The following PLCE1 variants were observed in gnomAD, a reference collection of about 807,000 sequenced individuals.
PLCE1 encodes phospholipase C epsilon 1.
In PLCE1, 119 loss-of-function variants were observed where a neutral mutation model predicts 242.8. The ratio of observed to expected loss-of-function variants is 0.49; its 90% CI spans 0.42 to 0.57. The LOEUF (loss-of-function observed/expected upper bound fraction) is 0.57. Among genes scored for constraint, PLCE1 ranks in the 20% least tolerant of loss-of-function variants. The pLI, the probability that PLCE1 is intolerant of heterozygous loss-of-function variation, is 0.00. For missense variants in PLCE1, 2,441 were observed against 2,788.8 expected (o/e 0.88, Z 2.81); for synonymous variants, 945 against 1,017.4 (o/e 0.93, Z 1.35).
chr10:94,230,632 A>G (rs1404881234), intron 5 of PLCE1, among the ~76,000 whole-genome samples: 3 of 150,842 alleles, frequency 2.0e-5, no homozygotes, highest in African/African-American at 7.3e-5. Context: ...TTTTTAAGAG[A>G]TAAGATCTCA....
chr10:94,137,903 C>A, intron 3 of PLCE1: 1 of 339,328 alleles, frequency 2.9e-6, no homozygotes, highest in South Asian at 3.2e-5. Flanking sequence ...CTATTGCCCT[C>A]ACAAAGCCAG....
At chr10:94,233,599 C>T (rs554966217) in intron 5 of PLCE1, among the ~76,000 whole-genome samples, 126 of 152,214 alleles carry the variant, frequency 8.3e-4, no homozygotes, top group Admixed American at 1.8e-3. Flanking sequence ...AAGTATTATT[C>T]ATATTATCTG....
At chr10:94,153,358 A>G (rs1330252800) in intron 3 of PLCE1, among the ~76,000 whole-genome samples, 2 of 152,214 alleles carry the variant, frequency 1.3e-5, no homozygotes, top group African/African-American at 4.8e-5. Flanking sequence ...AGGATTTCAC[A>G]AAATCCAACA....
intron 4 of PLCE1, among the ~76,000 whole-genome samples, chr10:94,203,745 T>C (rs970896171): frequency 6.6e-6 from 1 of 152,176 alleles, no homozygotes; most frequent in Non-Finnish European, 1.5e-5. Flanking sequence ...CCTTGTGCAT[T>C]GATGATGATG....
At chr10:94,219,530 G>T (rs1455417986) in intron 4 of PLCE1, among the ~76,000 whole-genome samples, 1 of 152,090 alleles carries the variant, frequency 6.6e-6, no homozygotes, top group Non-Finnish European at 1.5e-5. Context: ...TTCAGTAAAA[G>T]ACTCAAGAAG....
rs534006604 is a variant in PLCE1 at position 94,035,279 on chromosome 10, G to A, written c.1206+3027G>A. Among the ~76,000 whole-genome samples, 112 of 152,306 alleles carry A rather than the reference G, an allele frequency of 7.4e-4. 1 individual carries two copies. The South Asian group carries it at 9.1e-3, about 12-fold the overall frequency. On this transcript the variant is annotated intron_variant, in intron 2 of 32. Transcript: ENST00000371380. Reference sequence around the variant, plus strand: ...AGAACCTTTATCATTGTTTCCCTATGAGGGTTGTGAATCGGGTGTAAATTT... The same window carrying A: ...AGAACCTTTATCATTGTTTCCCTATAAGGGTTGTGAATCGGGTGTAAATTT...
Position 94,031,606 on chromosome 10 carries a change from T to A in PLCE1, c.560T>A (p.Phe187Tyr), listed in dbSNP as rs1291472151. ...CACCCTGACAGCAGAAGGGCAGTAT[T>A]TCATTTTCATTATGAAGTTGACAGA... Reference protein sequence around the residue: ...RAHPDSRRAVFHFHYEVDRRM... With the variant: ...RAHPDSRRAVYHFHYEVDRRM... The change falls in exon 2 of 33, where the codon TTT becomes TAT. Residue 187 changes from phenylalanine to tyrosine, a missense_variant. Physicochemically the swap from Phe to Tyr is conservative, Grantham distance 22. Coordinates refer to ENST00000371380, the MANE Select transcript of PLCE1 (RefSeq NM_016341.4). 1.2e-6 allele frequency: 2 copies of A among 1,613,238 alleles called. No homozygotes were observed. The highest frequency in any genetic ancestry group is 1.7e-6 in the Non-Finnish European group (2 of 1,179,738).
intron 4 of PLCE1, among the ~76,000 whole-genome samples, chr10:94,196,782 C>T (rs1180542160): frequency 2.6e-5 from 4 of 152,088 alleles, no homozygotes; most frequent in African/African-American, 9.7e-5. Flanking sequence ...TACAACATAT[C>T]TTTTTGGTTT....
In PLCE1 at chr10:94,032,193, T is replaced by G; in HGVS notation, c.1147T>G (p.Ser383Ala). ...LPCGRVMEPPSTVEIRQDGSQ... is the reference protein window; with the variant it reads ...LPCGRVMEPPATVEIRQDGSQ... ...TTGTGGGAGAGTAATGGAACCCCCG[T>G]CAACAGTGGAGATAAGGCAAGATGG... Residue 383 changes from serine to alanine, a missense_variant, in exon 2 of 33, where the codon TCA (serine) becomes GCA (alanine). This residue lies in a region of PLCE1 where 733 missense variants were observed against 754.2 expected (regional missense o/e 0.97). Transcript: ENST00000371380. 6.2e-7 allele frequency: 1 copy of G among 1,612,934 alleles called. No homozygotes were observed. The highest frequency in any genetic ancestry group is 8.5e-7 in the Non-Finnish European group (1 of 1,179,560).
chr10:94,251,621 GTTAC>G (rs1213009188), intron 8 of PLCE1, among the ~76,000 whole-genome samples: 1 of 152,192 alleles, frequency 6.6e-6, no homozygotes, highest in East Asian at 1.9e-4. Flanking sequence ...GATCCCTGCT[GTTAC>G]TTACAGGATG....
intron 24 of PLCE1, among the ~76,000 whole-genome samples, chr10:94,300,353 C>G (rs2052990468): frequency 6.6e-6 from 1 of 152,228 alleles, no homozygotes; most frequent in East Asian, 1.9e-4. Flanking sequence ...CTTTGCCTCT[C>G]TTCCAAATCA....
At chr10:94,074,187 CTTT>C (rs1015998359) in intron 2 of PLCE1, among the ~76,000 whole-genome samples, 1 of 123,118 alleles carries the variant, frequency 8.1e-6, no homozygotes, top group Admixed American at 8.2e-5. Context: ...CCAAGCAGTT[CTTT>C]TTTTTTTTTT....
chr10:94,251,452 A>G (rs1770270974), intron 8 of PLCE1, among the ~76,000 whole-genome samples: 2 of 152,232 alleles, frequency 1.3e-5, no homozygotes, highest in Admixed American at 1.3e-4. Context: ...CCAGCCTGAA[A>G]TGTTTTTGAA....
intron 3 of PLCE1, among the ~76,000 whole-genome samples, chr10:94,163,978 C>T (rs545330095): frequency 6.6e-6 from 1 of 152,252 alleles, no homozygotes; most frequent in East Asian, 1.9e-4. Flanking sequence ...TGAATATTGG[C>T]CCCCACTCCC....
At chr10:94,059,655 C>T (rs1185945262) in intron 2 of PLCE1, among the ~76,000 whole-genome samples, 1 of 152,172 alleles carries the variant, frequency 6.6e-6, no homozygotes, top group Non-Finnish European at 1.5e-5. Context: ...AGTTGCTTTG[C>T]ATATTAGAAA....
chr10:94,031,644 A>C lies in PLCE1; in HGVS notation c.598A>C (p.Thr200Pro). 1 of 1,613,724 alleles carries C rather than the reference A, an allele frequency of 6.2e-7. No homozygotes were observed. Residue 200 changes from threonine (T) to proline (P), a missense_variant, in exon 2 of 33, where the codon ACT becomes CCT. By Grantham distance (38) the Thr-to-Pro change is conservative. This residue lies in a region of PLCE1 where 393 missense variants were observed against 378.5 expected (regional missense o/e 1.04). Transcript: ENST00000371380. ...HYEVDRRMSD[T>P]FCTLSENLIL... ...TGAAGTTGACAGAAGAATGTCAGAC[A>C]CTTTCTGTACCCTATCAGAAAACTT...
intron 2 of PLCE1, among the ~76,000 whole-genome samples, chr10:94,071,684 A>C (rs556183548): frequency 1.8e-4 from 27 of 151,396 alleles, no homozygotes; most frequent in Non-Finnish European, 4.0e-4. Context: ...TAATTTGTAG[A>C]GATGAGCTCT....
intron 1 of PLCE1, among the ~76,000 whole-genome samples, chr10:94,000,576 ATAT>A (rs2060913509): frequency 6.6e-6 from 1 of 152,258 alleles, no homozygotes; most frequent in African/African-American, 2.4e-5. Context: ...ATTCTAACAA[ATAT>A]TAGTTTCTTT....
chr10:94,282,244 A>G (rs1307318629), intron 20 of PLCE1, among the ~76,000 whole-genome samples: 1 of 151,642 alleles, frequency 6.6e-6, no homozygotes, highest in Admixed American at 6.6e-5. Flanking sequence ...TGGGCTATAA[A>G]AATGAGATAA....
Sources: gnomAD v4.1 joint callset for allele counts (sites outside exome capture counted in the v4.1 genomes callset) on GRCh38, gnomAD v4.1.1 for gene constraint, gnomAD v4.1.1 regional missense constraint, MANE v1.5 for transcripts, NCBI Gene and HGNC (gene_info 2026-07-23, HGNC 2026-07-21) for gene names.